Variants in AKAP19 observed in about 807,000 individuals in gnomAD.
AKAP19 encodes A-kinase anchoring protein 19, also known as small A-kinase anchoring protein.
chr2:189,930,002 A>G, the AKAP19 span, among the ~76,000 whole-genome samples: 1 of 152,194 alleles, frequency 6.6e-6, no homozygotes, highest in African/African-American at 2.4e-5. Context: ...CACAATTCCT[A>G]TGTACTGGAG....
At chr2:189,886,410 A>G in the AKAP19 span, among the ~76,000 whole-genome samples, 1 of 152,302 alleles carries the variant, frequency 6.6e-6, no homozygotes, top group Middle Eastern at 3.4e-3. Flanking sequence ...ATAAGGAATG[A>G]TTTAGTCCCA....
chr2:190,083,107 G>A, the AKAP19 span, among the ~76,000 whole-genome samples: 2 of 152,218 alleles, frequency 1.3e-5, no homozygotes, highest in East Asian at 1.9e-4. Flanking sequence ...GGCAGGGTGC[G>A]GTGGCACACC....
the AKAP19 span, among the ~76,000 whole-genome samples, chr2:190,042,622 C>A: frequency 6.6e-6 from 1 of 151,882 alleles, no homozygotes; most frequent in East Asian, 1.9e-4. Flanking sequence ...TAATTTGAGA[C>A]CTTTCTTACT....
At chr2:190,100,163 G>A in the AKAP19 span, among the ~76,000 whole-genome samples, 1 of 152,076 alleles carries the variant, frequency 6.6e-6, no homozygotes, top group Non-Finnish European at 1.5e-5. Context: ...GGAGACTAAG[G>A]GAACTCTGCC....
At chr2:190,029,136 T>G in the AKAP19 span, among the ~76,000 whole-genome samples, 1 of 152,154 alleles carries the variant, frequency 6.6e-6, no homozygotes, top group African/African-American at 2.4e-5. Flanking sequence ...CACCGCAACT[T>G]CCACCTCCCA....
the AKAP19 span, among the ~76,000 whole-genome samples, chr2:190,104,348 A>T: frequency 6.6e-6 from 1 of 152,228 alleles, no homozygotes; most frequent in African/African-American, 2.4e-5. Context: ...GATGTAATTA[A>T]ACCAAAGAGC....
At chr2:189,930,611 GGT>G in the AKAP19 span, 1 of 294,320 alleles carries the variant, frequency 3.4e-6, no homozygotes, top group East Asian at 8.7e-5. Context: ...GGGAGGCAGA[GGT>G]TGCAGTCAGC....
At chr2:189,970,100 C>A in the AKAP19 span, among the ~76,000 whole-genome samples, 5 of 152,134 alleles carry the variant, frequency 3.3e-5, no homozygotes, top group African/African-American at 1.2e-4. Context: ...CTCCTGGACT[C>A]AAGAGATCCA....
At chr2:190,055,115 T>G in the AKAP19 span, among the ~76,000 whole-genome samples, 1 of 152,096 alleles carries the variant, frequency 6.6e-6, no homozygotes, top group Non-Finnish European at 1.5e-5. Flanking sequence ...TAAGAAAATG[T>G]GGCACATATA....
At chr2:189,923,860 G>A in the AKAP19 span, 3 of 1,611,080 alleles carry the variant, frequency 1.9e-6, no homozygotes, top group Non-Finnish European at 2.5e-6. Context: ...CTGGAAAGTT[G>A]AAAGGAGATG....
chr2:190,183,614 CTTTT>C, the AKAP19 span, among the ~76,000 whole-genome samples: 3 of 152,046 alleles, frequency 2.0e-5, no homozygotes, highest in South Asian at 2.1e-4. Flanking sequence ...CTAATTCTTT[CTTTT>C]AATTTTGAAT....
the AKAP19 span, chr2:189,923,640 CG>C: frequency 6.2e-7 from 1 of 1,613,926 alleles, no homozygotes; most frequent in African/African-American, 1.3e-5. Flanking sequence ...CGATCTGCAG[CG>C]GAGATGTACG....
the AKAP19 span, among the ~76,000 whole-genome samples, chr2:190,034,922 A>T: frequency 6.6e-6 from 1 of 151,858 alleles, no homozygotes; most frequent in South Asian, 2.1e-4. Flanking sequence ...AAGTATTCAA[A>T]AGTAGAGAGA....
the AKAP19 span, among the ~76,000 whole-genome samples, chr2:190,035,046 TA>T: frequency 6.6e-5 from 10 of 152,116 alleles, no homozygotes; most frequent in Non-Finnish European, 1.2e-4. Flanking sequence ...GATTATTTTT[TA>T]AAGGCAGGTT....
chr2:189,993,830 A>T, the AKAP19 span, among the ~76,000 whole-genome samples: 30 of 151,886 alleles, frequency 2.0e-4, no homozygotes, highest in Non-Finnish European at 3.1e-4. Flanking sequence ...GATCTTTCGT[A>T]TTTCTGTGGG....
At chr2:189,993,920 G>C in the AKAP19 span, among the ~76,000 whole-genome samples, 5 of 151,436 alleles carry the variant, frequency 3.3e-5, no homozygotes, top group Non-Finnish European at 7.4e-5. Flanking sequence ...CTTGTTAATG[G>C]TCTATCAATT....
the AKAP19 span, among the ~76,000 whole-genome samples, chr2:190,098,764 CTGT>C: frequency 3.4e-3 from 518 of 152,306 alleles, 4 homozygotes; most frequent in African/African-American, 0.012. Flanking sequence ...CATTGAAAAT[CTGT>C]TGTTTAGTGT....
chr2:189,927,973 G>A, the AKAP19 span, among the ~76,000 whole-genome samples: 1 of 152,130 alleles, frequency 6.6e-6, no homozygotes, highest in Non-Finnish European at 1.5e-5. Context: ...TCCCATTAAT[G>A]TCTTTTGTAG....
chr2:190,201,977 T>C, the AKAP19 span: 1 of 166,962 alleles, frequency 6.0e-6, no homozygotes, highest in East Asian at 1.9e-4. Context: ...AAATGTACAA[T>C]TAGGTATATA....
Sources: allele counts gnomAD v4.1 joint callset (sites outside exome capture counted in the v4.1 genomes callset), GRCh38; gene constraint gnomAD v4.1.1; transcripts MANE v1.5; gene names NCBI Gene and HGNC (gene_info 2026-07-23, HGNC 2026-07-21).